The following SAR1B variants were observed in gnomAD, a reference collection of about 807,000 sequenced individuals.
The protein encoded by SAR1B is secretion associated Ras related GTPase 1B.
A neutral mutation model predicts 26.8 loss-of-function variants in SAR1B; 23 were observed. The observed-to-expected ratio is 0.86, with a 90% CI of 0.62 to 1.22. The LOEUF is 1.22. Among genes scored for constraint, SAR1B ranks in the 50% most tolerant of loss-of-function variants. SAR1B has a pLI of 0.00. For missense variants in SAR1B, 196 were observed against 232.8 expected (o/e 0.84, Z 1.03); for synonymous variants, 65 against 80.8 (o/e 0.80, Z 1.05).
intron 1 of SAR1B, among the ~76,000 whole-genome samples, chr5:134,630,512 G>A (rs1765582642): frequency 6.8e-6 from 1 of 147,046 alleles, no homozygotes. Flanking sequence ...GCAGGACACA[G>A]TGGCTCACGC....
At chr5:134,624,104 G>C (rs1219459878) in intron 1 of SAR1B, 67 bp from the exon 2 acceptor site, 13 of 867,580 alleles carry the variant, frequency 1.5e-5, no homozygotes, top group Non-Finnish European at 2.0e-5. Context: ...CTCCAATACT[G>C]TTAAACACCA....
At chr5:134,610,332 G>A (rs1024708398) in intron 4 of SAR1B, among the ~76,000 whole-genome samples, 2 of 152,054 alleles carry the variant, frequency 1.3e-5, no homozygotes, top group Non-Finnish European at 2.9e-5. Flanking sequence ...AGCCAAGCCG[G>A]ACACAGTGGC....
In SAR1B at chr5:134,608,397, C is replaced by A. The variant is rs748162390; in HGVS notation, c.455G>T (p.Gly152Val). 6.3e-7 allele frequency: 1 copy of A among 1,592,496 alleles called. No homozygotes were observed. Among genetic ancestry groups the A allele is most frequent in the Non-Finnish European group, 8.6e-7 (1 of 1,168,068 alleles). Residue 152 changes from glycine (G) to valine (V), a missense_variant, in exon 6 of 7, where the codon GGT becomes GTT. Physicochemically the swap from Gly to Val is moderately radical, Grantham distance 109 (BLOSUM62 -3). Transcript: ENST00000402673. Reference sequence around the variant, plus strand: ...CTTTCCTGTTGTCTGACCATATAAACCAAACATCTCTCGCAACCTCTCTTC... The same window carrying A: ...CTTTCCTGTTGTCTGACCATATAAAACAAACATCTCTCGCAACCTCTCTTC... Reference protein sequence around the residue: ...ISEERLREMFGLYGQTTGKGS... With the variant: ...ISEERLREMFVLYGQTTGKGS...
At chr5:134,620,231 G>A (rs573632882) in intron 3 of SAR1B, among the ~76,000 whole-genome samples, 3 of 151,872 alleles carry the variant, frequency 2.0e-5, no homozygotes, top group Non-Finnish European at 4.4e-5. Flanking sequence ...GCGTGAACCC[G>A]GGAGGTGGAG....
chr5:134,606,974 G>A lies in SAR1B; in HGVS notation c.573C>T (p.Arg191=). ...GTTAATCAATGTACTGTGCCATCCA[G>A]CGGAAGCCTTCTCCGTAACCTTGTC... The part of the protein sequence containing the change: ...LKRQGYGEGF[R]WMAQYID The change falls in exon 7 of 7, where the codon CGC becomes CGT. Residue 191 remains arginine (R), a synonymous_variant. Coordinates refer to ENST00000402673, the MANE Select transcript of SAR1B (RefSeq NM_016103.4). 1.2e-6 allele frequency: 2 copies of A among 1,613,382 alleles called. No individual in the cohort carries two copies. Among genetic ancestry groups the A allele is most frequent in the Non-Finnish European group, 1.7e-6 (2 of 1,179,324 alleles).
At chr5:134,627,427 G>T (rs549097862) in intron 1 of SAR1B, among the ~76,000 whole-genome samples, 37 of 151,986 alleles carry the variant, frequency 2.4e-4, no homozygotes, top group African/African-American at 8.7e-4. Context: ...CAATCTCGGG[G>T]ACTCAAGCAA....
intron 1 of SAR1B, among the ~76,000 whole-genome samples, chr5:134,628,828 G>A (rs1294759524): frequency 6.6e-6 from 1 of 151,826 alleles, no homozygotes; most frequent in East Asian, 1.9e-4. Flanking sequence ...TAATTTTTTT[G>A]TATTTCTAGT....
Position 134,602,677 on chromosome 5 carries a change from G to A in SAR1B, c.*4273C>T, listed in dbSNP as rs1765053548. On this transcript the variant is annotated 3_prime_UTR_variant, in exon 7 of 7. Coordinates refer to ENST00000402673, the MANE Select transcript of SAR1B (RefSeq NM_016103.4). ...GTGGATCACTTAAGATCAGGAGCTCGAGACCAGCCTGGCCAAATAATGAAA... is the reference window on the plus strand; with the variant it reads ...GTGGATCACTTAAGATCAGGAGCTCAAGACCAGCCTGGCCAAATAATGAAA... 2 of 152,080 alleles carry A rather than the reference G, an allele frequency of 1.3e-5. No homozygotes were observed. The highest frequency in any genetic ancestry group is 2.4e-5 in the African/African-American group (1 of 41,384). 9.4% of individuals were successfully genotyped at this position (152,080 alleles called of 1,614,324 possible).
At chr5:134,628,289 A>G (rs934582669) in intron 1 of SAR1B, among the ~76,000 whole-genome samples, 1 of 152,198 alleles carries the variant, frequency 6.6e-6, no homozygotes, top group East Asian at 1.9e-4. Flanking sequence ...AAAAAATAAA[A>G]TAAAAATAAA....
chr5:134,610,500 G>C (rs2150050411), intron 4 of SAR1B, among the ~76,000 whole-genome samples: 1 of 151,052 alleles, frequency 6.6e-6, no homozygotes, highest in African/African-American at 2.4e-5. Flanking sequence ...CCGGGAGGTG[G>C]AGGTGGCAGT....
intron 3 of SAR1B, among the ~76,000 whole-genome samples, chr5:134,619,728 C>T (rs778601830): frequency 8.6e-5 from 13 of 152,036 alleles, no homozygotes; most frequent in Non-Finnish European, 5.9e-5. Context: ...CTGTGGTGTA[C>T]ATTAGATATT....
intron 4 of SAR1B, among the ~76,000 whole-genome samples, chr5:134,612,445 G>C (rs1422633676): frequency 6.6e-6 from 1 of 151,798 alleles, no homozygotes; most frequent in Non-Finnish European, 1.5e-5. Flanking sequence ...AAGAGTAAGA[G>C]AATCTTACCT....
chr5:134,621,432 C>T (rs1047971252), intron 2 of SAR1B, among the ~76,000 whole-genome samples: 2 of 151,894 alleles, frequency 1.3e-5, no homozygotes, highest in Non-Finnish European at 2.9e-5. Context: ...GAGATCATGC[C>T]ATTGTACTCC....
intron 4 of SAR1B, 31 bp from the exon 5 acceptor site, chr5:134,609,705 C>G (rs1765182940): frequency 6.3e-7 from 1 of 1,577,228 alleles, no homozygotes; most frequent in Non-Finnish European, 8.7e-7. Context: ...TTAGAGTTTA[C>G]TTGTTGGTCA....
chr5:134,609,709 T>C (rs1173047452), intron 4 of SAR1B, 35 bp from the exon 5 acceptor site: 2 of 1,555,724 alleles, frequency 1.3e-6, no homozygotes, highest in Non-Finnish European at 1.8e-6. Flanking sequence ...AGTTTACTTG[T>C]TGGTCAAACC....
chr5:134,617,043 C>A lies in SAR1B; in HGVS notation c.178+3890G>T, dbSNP rs1765327079. Among the ~76,000 whole-genome samples, 3 of 152,046 alleles carry A rather than the reference C, an allele frequency of 2.0e-5. 1 individual carries two copies. In the South Asian group the frequency reaches 6.2e-4, roughly 32 times the overall value. On this transcript the variant is annotated intron_variant, in intron 3 of 6. Transcript: ENST00000402673. Reference sequence around the variant, plus strand: ...CCCAGGAGTTCAAGACCAGCCTAAGCAACATGGTGAAACCCTATCTCTACA... The same window carrying A: ...CCCAGGAGTTCAAGACCAGCCTAAGAAACATGGTGAAACCCTATCTCTACA...
chr5:134,608,283 G>A, intron 6 of SAR1B, 89 bp downstream of exon 6: 2 of 1,316,898 alleles, frequency 1.5e-6, no homozygotes, highest in Non-Finnish European at 2.1e-6. Flanking sequence ...AAATGATAAT[G>A]GGCTTGTATA....
intron 1 of SAR1B, chr5:134,626,008 T>G (rs947628437): frequency 1.3e-5 from 2 of 151,964 alleles, no homozygotes; most frequent in Non-Finnish European, 2.9e-5. Context: ...TCTTTAAAAT[T>G]GTGGTTTCAG....
At position 134,612,710 on chromosome 5, in the gene SAR1B, A is replaced by ATC; in HGVS notation, c.223_224dup (p.Asp75GlufsTer36). On this transcript the variant is annotated frameshift_variant, in exon 4 of 7. Transcript: ENST00000402673. LOFTEE classifies it high-confidence loss of function. ...TCTTACCTTGAACATGTCCACCCAG[A>ATC]TCAAAAGTTGTAAACGTCATGCCAG... 6.5e-7 allele frequency: 1 copy of ATC among 1,543,516 alleles called. No homozygotes were observed.
Sources: gnomAD v4.1 joint callset for allele counts (sites outside exome capture counted in the v4.1 genomes callset) on GRCh38, gnomAD v4.1.1 for gene constraint, MANE v1.5 for transcripts, NCBI Gene and HGNC (gene_info 2026-07-23, HGNC 2026-07-21) for gene names.